EPB41L4A: variants seen among roughly 807,000 people sequenced by gnomAD.
EPB41L4A encodes the protein band 4.1-like protein 4A.
Under a neutral mutation model 108.6 loss-of-function variants are expected in EPB41L4A, and 100 were observed. The observed-to-expected ratio is 0.92, with a 90% CI of 0.78 to 1.09. The LOEUF (loss-of-function observed/expected upper bound fraction) is 1.09. Among genes scored for constraint, EPB41L4A ranks in the 50% least tolerant of loss-of-function variants. EPB41L4A has a pLI of 0.00. For missense variants in EPB41L4A, 1,030 were observed against 842.7 expected (o/e 1.22, Z -2.75); for synonymous variants, 319 against 289.0 (o/e 1.10, Z -1.05).
At chr5:112,157,694 C>A (rs1419325841), downstream of EPB41L4A, among the ~76,000 whole-genome samples, 1 of 152,206 alleles carries the variant, frequency 6.6e-6, no homozygotes, top group African/African-American at 2.4e-5. Context: ...CTACCTTCTT[C>A]CATTTTTATC....
intron 1 of EPB41L4A, among the ~76,000 whole-genome samples, chr5:112,380,785 A>ACT (rs1156952660): frequency 2.0e-5 from 2 of 97,610 alleles, no homozygotes; most frequent in African/African-American, 7.8e-5. Context: ...TCTGCACATC[A>ACT]CACACATACA....
At chr5:112,404,286 A>G (rs1050871041) in intron 1 of EPB41L4A, among the ~76,000 whole-genome samples, 9 of 152,192 alleles carry the variant, frequency 5.9e-5, no homozygotes, top group Non-Finnish European at 1.0e-4. Flanking sequence ...TACATGTACT[A>G]TTTAATTCAA....
chr5:112,247,622 A>G (rs1750342824), intron 9 of EPB41L4A, among the ~76,000 whole-genome samples: 1 of 152,218 alleles, frequency 6.6e-6, no homozygotes, highest in African/African-American at 2.4e-5. Flanking sequence ...TTATTTAATT[A>G]CATGCTTCCA....
chr5:112,204,421 G>A lies in EPB41L4A; in HGVS notation c.1330C>T (p.Pro444Ser), dbSNP rs371189822. Residue 444 changes from proline to serine, a missense_variant, in exon 15 of 23, where the codon CCC becomes TCC. Physicochemically the swap from Pro to Ser is moderately conservative, Grantham distance 74 (BLOSUM62 -1). Transcript: ENST00000261486. ...GAATCATTGTCACTTCCACAGGAGG[G>A]GTTTCGGCGACGCGTGTAAGGGAAC... ...PKFPYTRRRN[P>S]SCGSDNDSVQ... is the part of the protein sequence containing the mutation. 117 of 1,613,848 alleles carry A rather than the reference G, an allele frequency of 7.2e-5. No homozygotes were observed. Among genetic ancestry groups the A allele is most frequent in the Middle Eastern group, 4.9e-4 (3 of 6,084 alleles).
intron 1 of EPB41L4A, among the ~76,000 whole-genome samples, chr5:112,311,159 C>T (rs192792551): frequency 5.9e-5 from 9 of 152,230 alleles, no homozygotes; most frequent in African/African-American, 1.4e-4. Flanking sequence ...CCACCACACC[C>T]GGCTACAGCA....
At chr5:112,364,007 G>C (rs943952937) in intron 1 of EPB41L4A, among the ~76,000 whole-genome samples, 4 of 148,040 alleles carry the variant, frequency 2.7e-5, no homozygotes, top group African/African-American at 9.9e-5. Flanking sequence ...GCCAATATTT[G>C]CTTTCATTCA....
intron 1 of EPB41L4A, among the ~76,000 whole-genome samples, chr5:112,368,161 C>T (rs1274187734): frequency 1.3e-5 from 2 of 152,182 alleles, no homozygotes. Flanking sequence ...TATTACTCAA[C>T]TTATTATCTT....
At chr5:112,321,564 G>T in intron 1 of EPB41L4A, among the ~76,000 whole-genome samples, 1 of 152,264 alleles carries the variant, frequency 6.6e-6, no homozygotes, top group East Asian at 1.9e-4. Flanking sequence ...TTATTACCAT[G>T]GCAGTTGCTG....
intron 2 of EPB41L4A, among the ~76,000 whole-genome samples, chr5:112,295,843 C>A (rs1753953470): frequency 6.6e-6 from 1 of 152,156 alleles, no homozygotes; most frequent in Non-Finnish European, 1.5e-5. Flanking sequence ...AATGATCTTG[C>A]AATTTCCATA....
chr5:112,282,138 C>G (rs1753002793), intron 2 of EPB41L4A, among the ~76,000 whole-genome samples: 1 of 152,178 alleles, frequency 6.6e-6, no homozygotes. Flanking sequence ...TTGGAGCCCA[C>G]AGCGACTAAA....
intron 1 of EPB41L4A, among the ~76,000 whole-genome samples, chr5:112,396,019 T>C (rs1761313697): frequency 6.6e-6 from 1 of 152,132 alleles, no homozygotes; most frequent in Non-Finnish European, 1.5e-5. Flanking sequence ...AAACACCACA[T>C]GTTCTCACTC....
At chr5:112,266,589 C>G (rs1353290590) in intron 4 of EPB41L4A, among the ~76,000 whole-genome samples, 2 of 152,216 alleles carry the variant, frequency 1.3e-5, no homozygotes, top group Non-Finnish European at 1.5e-5. Context: ...TTCAGTACCT[C>G]TGTAGCCTTA....
chr5:112,143,720 T>A, exon 14 of EPB41L4A: 1 of 279,778 alleles, frequency 3.6e-6, no homozygotes, highest in South Asian at 3.0e-5. Flanking sequence ...TTTTCCCTAT[T>A]GACTCCAATA....
rs200139281 is a variant in EPB41L4A at position 112,234,703 on chromosome 5, G to A, written c.1018C>T (p.Pro340Ser). Reference sequence around the variant, plus strand: ...CGACTTCTTGTCACATTCTGATCAGGCCGGGGAAGCTGAATAGAAAGATCT... The same window carrying A: ...CGACTTCTTGTCACATTCTGATCAGACCGGGGAAGCTGAATAGAAAGATCT... ...SRDLSIQLPR[P>S]DQNVTRSRSK... Residue 340 changes from proline (P) to serine (S), a missense_variant, in exon 12 of 23, where the codon CCT becomes TCT. Pro to Ser is a moderately conservative substitution (Grantham distance 74). Coordinates refer to ENST00000261486, the MANE Select transcript of EPB41L4A (RefSeq NM_022140.5). 1,717 of 1,613,478 alleles carry A rather than the reference G, an allele frequency of 1.1e-3. 4 individuals carry two copies. The highest frequency in any genetic ancestry group is 1.4e-3 in the Non-Finnish European group (1,618 of 1,179,570).
At chr5:112,225,809 ATTCT>A (rs1329848657) in intron 12 of EPB41L4A, among the ~76,000 whole-genome samples, 3 of 152,192 alleles carry the variant, frequency 2.0e-5, no homozygotes, top group Admixed American at 1.3e-4. Context: ...AATGTAACAC[ATTCT>A]TTCTTAGTCT....
intron 1 of EPB41L4A, among the ~76,000 whole-genome samples, chr5:112,393,097 A>C (rs2112686078): frequency 6.6e-6 from 1 of 152,370 alleles, no homozygotes; most frequent in South Asian, 2.1e-4. Context: ...AGCAGTGTGT[A>C]GAGGCAATGT....
chr5:112,358,365 T>G (rs1268644561), intron 1 of EPB41L4A, among the ~76,000 whole-genome samples: 2 of 152,258 alleles, frequency 1.3e-5, no homozygotes, highest in Non-Finnish European at 2.9e-5. Flanking sequence ...TACAGATTAG[T>G]CCTATAGAAC....
chr5:112,170,536 G>C (rs965333979), intron 19 of EPB41L4A, among the ~76,000 whole-genome samples, 167 bp from the exon 20 acceptor site: 3 of 152,054 alleles, frequency 2.0e-5, no homozygotes, highest in Non-Finnish European at 4.4e-5. Flanking sequence ...AAATAGGAGG[G>C]GTAAAACCTT....
chr5:112,327,825 T>A (rs116064648), intron 1 of EPB41L4A, among the ~76,000 whole-genome samples: 1 of 151,960 alleles, frequency 6.6e-6, no homozygotes, highest in Non-Finnish European at 1.5e-5. Context: ...GGGAGGGAAG[T>A]GGGCAAGCAG....
Sources: allele counts gnomAD v4.1 joint callset (sites outside exome capture counted in the v4.1 genomes callset), GRCh38; gene constraint gnomAD v4.1.1; transcripts MANE v1.5; gene names NCBI Gene and HGNC (gene_info 2026-07-23, HGNC 2026-07-21).